Variants in PLA2G4A observed in about 807,000 individuals in gnomAD.
PLA2G4A encodes phospholipase A2 group IVA, also known as cytosolic phospholipase A2.
In PLA2G4A, 40 loss-of-function variants were observed where a neutral mutation model predicts 81.9. That is an observed-to-expected ratio of 0.49 (90% CI 0.38 to 0.64). The LOEUF (loss-of-function observed/expected upper bound fraction) is 0.64, where lower values mean the gene tolerates loss of function less well. PLA2G4A is among the 30% of genes least tolerant of loss of function. The probability of loss-of-function intolerance (pLI) is 0.00; values close to 1 mark genes in which losing one functional copy is unlikely to be tolerated. For missense variants in PLA2G4A, 715 were observed against 905.1 expected, an observed-to-expected ratio of 0.79 and a Z score of 2.69; for synonymous variants, 302 against 296.9, an observed-to-expected ratio of 1.02 and a Z score of -0.18.
chr1:186,915,493 A>G (rs1421185685), intron 7 of PLA2G4A, among the ~76,000 whole-genome samples: 1 of 152,162 alleles, frequency 6.6e-6, no homozygotes, highest in Non-Finnish European at 1.5e-5. Context: ...GCCATTCATT[A>G]TCTTTCTAAT....
chr1:186,897,417 G>T (rs554336484), intron 5 of PLA2G4A, among the ~76,000 whole-genome samples: 1 of 151,748 alleles, frequency 6.6e-6, no homozygotes, highest in East Asian at 1.9e-4. Flanking sequence ...TAAAATGAAG[G>T]GTTGGATTAA....
chr1:186,903,334 A>G (rs1349364645), intron 5 of PLA2G4A, among the ~76,000 whole-genome samples: 3 of 152,228 alleles, frequency 2.0e-5, no homozygotes, highest in Non-Finnish European at 2.9e-5. Context: ...AAGGGAAGTC[A>G]TAGCATATTT....
intron 15 of PLA2G4A, among the ~76,000 whole-genome samples, chr1:186,967,255 G>A (rs916597552): frequency 3.3e-5 from 5 of 151,950 alleles, no homozygotes. Context: ...CTATTTTTGG[G>A]GTAGTAAAGG....
chr1:186,925,499 C>A (rs542507769), intron 7 of PLA2G4A, among the ~76,000 whole-genome samples: 3 of 152,182 alleles, frequency 2.0e-5, no homozygotes, highest in South Asian at 2.1e-4. Context: ...TCCCAGTAAG[C>A]ACCTCTTAGT....
chr1:186,895,977 T>G (rs2102119701), intron 5 of PLA2G4A, among the ~76,000 whole-genome samples: 1 of 151,614 alleles, frequency 6.6e-6, no homozygotes, highest in African/African-American at 2.4e-5. Flanking sequence ...GTATATATAA[T>G]ACATGCATAT....
chr1:186,837,500 C>T (rs185321224), intron 1 of PLA2G4A, among the ~76,000 whole-genome samples: 375 of 151,568 alleles, frequency 2.5e-3, no homozygotes, highest in Non-Finnish European at 4.2e-3. Context: ...GAGGCCGAGG[C>T]AGGCGGATCA....
chr1:186,939,511 AAAT>A (rs1326356014), intron 9 of PLA2G4A, among the ~76,000 whole-genome samples: 4 of 132,002 alleles, frequency 3.0e-5, no homozygotes, highest in East Asian at 2.3e-4. Context: ...AAAAAAAAAA[AAAT>A]TCACATTTTA....
At chr1:186,855,961 A>G (rs1259905278) in intron 2 of PLA2G4A, among the ~76,000 whole-genome samples, 5 of 152,038 alleles carry the variant, frequency 3.3e-5, no homozygotes, top group Non-Finnish European at 7.4e-5. Flanking sequence ...ATGTATGGCA[A>G]TGTAAATCCT....
intron 3 of PLA2G4A, among the ~76,000 whole-genome samples, chr1:186,875,510 G>C (rs1027648362): frequency 6.6e-6 from 1 of 151,918 alleles, no homozygotes; most frequent in Non-Finnish European, 1.5e-5. Context: ...TGTTTCAAAA[G>C]TCACAGTGCT....
At chr1:186,930,803 C>T (rs1655715353) in intron 7 of PLA2G4A, among the ~76,000 whole-genome samples, 1 of 152,274 alleles carries the variant, frequency 6.6e-6, no homozygotes, top group East Asian at 1.9e-4. Context: ...CCCTAATATA[C>T]ACCTGCTACA....
rs1336229280 is a variant in PLA2G4A at position 186,894,152 on chromosome 1, T to C, written c.319T>C (p.Phe107Leu). Residue 107 changes from phenylalanine to leucine, a missense_variant, in exon 5 of 18, where the codon TTT becomes CTT. By Grantham distance (22) the Phe-to-Leu change is conservative. Transcript: ENST00000367466. ...VMDETLGTATFTVSSMKVGEK... is the reference protein window; with the variant it reads ...VMDETLGTATLTVSSMKVGEK... Reference sequence around the variant, plus strand: ...GGATGAAACTCTAGGGACAGCAACATTTACTGTATCTTCTATGAAGGTGGG... The same window carrying C: ...GGATGAAACTCTAGGGACAGCAACACTTACTGTATCTTCTATGAAGGTGGG... 1.3e-6 allele frequency: 2 copies of C among 1,528,568 alleles called. No homozygotes were observed. Among genetic ancestry groups the C allele is most frequent in the Non-Finnish European group, 9.1e-7 (1 of 1,102,026 alleles). 94.7% of individuals were successfully genotyped at this position (1,528,568 alleles called of 1,614,324 possible).
At chr1:186,891,612 C>A (rs139934786) in intron 3 of PLA2G4A, among the ~76,000 whole-genome samples, 1 of 152,144 alleles carries the variant, frequency 6.6e-6, no homozygotes, top group East Asian at 1.9e-4. Flanking sequence ...CAGTTCCATC[C>A]ATGCAAATGG....
intron 2 of PLA2G4A, among the ~76,000 whole-genome samples, chr1:186,856,300 T>C (rs1034785230): frequency 4.6e-5 from 7 of 151,798 alleles, no homozygotes; most frequent in Non-Finnish European, 8.8e-5. Flanking sequence ...TGTGTATATA[T>C]ATATATACAT....
intron 7 of PLA2G4A, among the ~76,000 whole-genome samples, chr1:186,915,345 C>T (rs575145009): frequency 5.3e-5 from 8 of 152,166 alleles, no homozygotes; most frequent in Admixed American, 2.0e-4. Context: ...AAGGCTCTGC[C>T]GGTTTTATTA....
At chr1:186,851,305 A>G (rs183382335) in intron 1 of PLA2G4A, among the ~76,000 whole-genome samples, 30 of 152,094 alleles carry the variant, frequency 2.0e-4, no homozygotes, top group Admixed American at 5.9e-4. Flanking sequence ...CAGCAATCTA[A>G]AGGCTTCATG....
chr1:186,917,491 T>C (rs1655181916), intron 7 of PLA2G4A, among the ~76,000 whole-genome samples: 1 of 152,194 alleles, frequency 6.6e-6, no homozygotes, highest in Non-Finnish European at 1.5e-5. Context: ...TAAACTATTT[T>C]TGATAGTCCG....
At chr1:186,853,376 G>T (rs1273004843) in intron 1 of PLA2G4A, among the ~76,000 whole-genome samples, 1 of 151,686 alleles carries the variant, frequency 6.6e-6, no homozygotes, top group African/African-American at 2.4e-5. Flanking sequence ...TTTATTCTTT[G>T]TTCACTTCAG....
At chr1:186,837,203 T>C (rs1651807255) in intron 1 of PLA2G4A, among the ~76,000 whole-genome samples, 1 of 152,096 alleles carries the variant, frequency 6.6e-6, no homozygotes, top group Non-Finnish European at 1.5e-5. Flanking sequence ...TCTTGATTAG[T>C]GCAGGTTCAA....
At chr1:186,963,960 G>T (rs1050086182) in intron 14 of PLA2G4A, among the ~76,000 whole-genome samples, 1 of 152,048 alleles carries the variant, frequency 6.6e-6, no homozygotes, top group Non-Finnish European at 1.5e-5. Context: ...TTTCCTTTTT[G>T]ATTTCATGCT....
Sources: gnomAD v4.1 joint callset for allele counts (sites outside exome capture counted in the v4.1 genomes callset) on GRCh38, gnomAD v4.1.1 for gene constraint, MANE v1.5 for transcripts, NCBI Gene and HGNC (gene_info 2026-07-23, HGNC 2026-07-21) for gene names.